ADGRB3: variants seen among roughly 807,000 people sequenced by gnomAD.
ADGRB3 encodes brain-specific angiogenesis inhibitor 3.
Under a neutral mutation model 193.4 loss-of-function variants are expected in ADGRB3, and 37 were observed. The observed-to-expected ratio is 0.19, with a 90% CI of 0.15 to 0.25. ADGRB3 has a LOEUF of 0.25. Among genes scored for constraint, ADGRB3 ranks in the 10% least tolerant of loss-of-function variants. ADGRB3 has a pLI of 1.00. For synonymous variants in ADGRB3, 690 were observed against 644.2 expected, an observed-to-expected ratio of 1.07 and a Z score of -1.08; for missense variants, 1,637 against 1,852.9, an observed-to-expected ratio of 0.88 and a Z score of 2.14.
At chr6:69,132,846 C>G (rs1774048454) in intron 17 of ADGRB3, among the ~76,000 whole-genome samples, 2 of 152,136 alleles carry the variant, frequency 1.3e-5, no homozygotes, top group Non-Finnish European at 2.9e-5. Context: ...CTGCATATGG[C>G]TAGCCAGTTT....
chr6:69,095,951 T>C (rs1772863932), intron 17 of ADGRB3, among the ~76,000 whole-genome samples: 1 of 152,212 alleles, frequency 6.6e-6, no homozygotes, highest in African/African-American at 2.4e-5. Flanking sequence ...TCAGAGCAGA[T>C]ATAAATAATG....
intron 13 of ADGRB3, among the ~76,000 whole-genome samples, chr6:69,024,071 G>A (rs1371925063): frequency 6.6e-6 from 1 of 152,112 alleles, no homozygotes; most frequent in African/African-American, 2.4e-5. Flanking sequence ...ACATAAAAGT[G>A]ATAGTTGAAG....
At chr6:69,040,985 G>A (rs567012209) in intron 13 of ADGRB3, among the ~76,000 whole-genome samples, 21 of 152,218 alleles carry the variant, frequency 1.4e-4, no homozygotes, top group African/African-American at 5.1e-4. Flanking sequence ...CTAAAGCTCT[G>A]TGTGAGGATA....
In ADGRB3 at chr6:68,985,326, A is replaced by G. The variant is rs117087685; in HGVS notation, c.1735-8442A>G. On this transcript the variant is annotated intron_variant, in intron 10 of 31. Coordinates refer to ENST00000370598, the MANE Select transcript of ADGRB3 (RefSeq NM_001704.3). ...AAGTGCTCTTTGTGATTCACTGCAC[A>G]TTAAAGTTTGAGAAACACTGTGGTA... is the stretch of plus-strand genomic sequence containing the variant. Among the ~76,000 whole-genome samples the G allele has an allele frequency of 1.5e-4, 23 of 152,306 alleles. No individual in the cohort carries two copies. The East Asian group carries it at 2.9e-3, about 19-fold the overall frequency.
intron 17 of ADGRB3, among the ~76,000 whole-genome samples, chr6:69,086,609 T>G (rs1169065841): frequency 6.6e-6 from 1 of 151,978 alleles, no homozygotes; most frequent in African/African-American, 2.4e-5. Flanking sequence ...AGTGCCAAAT[T>G]TTTTTTGGTT....
intron 3 of ADGRB3, among the ~76,000 whole-genome samples, chr6:68,741,154 A>G (rs1298338352): frequency 6.6e-6 from 1 of 152,186 alleles, no homozygotes; most frequent in Non-Finnish European, 1.5e-5. Context: ...TAGTGTCTGC[A>G]TAGGGCTTCC....
At chr6:68,887,879 T>C (rs1486697350) in intron 3 of ADGRB3, among the ~76,000 whole-genome samples, 1 of 152,180 alleles carries the variant, frequency 6.6e-6, no homozygotes, top group African/African-American at 2.4e-5. Flanking sequence ...TGGCACAATG[T>C]GGAAAATTTC....
At chr6:69,336,288 A>G (rs1451017144) in intron 24 of ADGRB3, among the ~76,000 whole-genome samples, 1 of 152,032 alleles carries the variant, frequency 6.6e-6, no homozygotes, top group Non-Finnish European at 1.5e-5. Flanking sequence ...TAAGCAGAAA[A>G]TTTAAGTTTC....
intron 3 of ADGRB3, among the ~76,000 whole-genome samples, chr6:68,772,399 A>C (rs1223949291): frequency 6.6e-6 from 1 of 151,858 alleles, no homozygotes; most frequent in Admixed American, 6.6e-5. Context: ...TATTCATAGG[A>C]CTCTGCTTGA....
At chr6:68,683,799 G>A (rs1764937277) in intron 3 of ADGRB3, among the ~76,000 whole-genome samples, 1 of 152,072 alleles carries the variant, frequency 6.6e-6, no homozygotes, top group African/African-American at 2.4e-5. Flanking sequence ...CTTTACGGCA[G>A]TGTCCCTCTG....
chr6:68,818,635 C>T (rs993344180), intron 3 of ADGRB3, among the ~76,000 whole-genome samples: 2 of 152,048 alleles, frequency 1.3e-5, no homozygotes, highest in African/African-American at 2.4e-5. Flanking sequence ...TTCTGAATCT[C>T]ATTTTTTCTC....
chr6:68,976,179 T>A (rs1768741285), intron 10 of ADGRB3, among the ~76,000 whole-genome samples: 1 of 152,224 alleles, frequency 6.6e-6, no homozygotes, highest in Admixed American at 6.5e-5. Flanking sequence ...AAAATATACA[T>A]AACTTTTGTA....
At chr6:69,047,019 G>A (rs9454683) in intron 13 of ADGRB3, among the ~76,000 whole-genome samples, 64,207 of 151,794 alleles carry the variant, frequency 0.42, 14,255 homozygotes, top group Middle Eastern at 0.47. Flanking sequence ...CACCACGCCC[G>A]GCTAAAATTT....
intron 3 of ADGRB3, among the ~76,000 whole-genome samples, chr6:68,750,495 G>A (rs545267207): frequency 4.0e-4 from 61 of 152,264 alleles, no homozygotes; most frequent in African/African-American, 1.3e-3. Context: ...ATCAAATGTA[G>A]TTCATCTATA....
chr6:68,687,503 A>T (rs1377741445), intron 3 of ADGRB3, among the ~76,000 whole-genome samples: 1 of 152,084 alleles, frequency 6.6e-6, no homozygotes, highest in Non-Finnish European at 1.5e-5. Context: ...TGCGATGCAT[A>T]TTTTGCCATG....
At chr6:69,247,032 A>G (rs780249317) in intron 20 of ADGRB3, among the ~76,000 whole-genome samples, 9 of 152,294 alleles carry the variant, frequency 5.9e-5, no homozygotes, top group Admixed American at 5.9e-4. Context: ...CCACCCCTGC[A>G]TTAGACTTGG....
chr6:69,332,533 A>G, intron 23 of ADGRB3: 1 of 985,250 alleles, frequency 1.0e-6, no homozygotes, highest in Non-Finnish European at 1.2e-6. Flanking sequence ...CTAACCTCAT[A>G]CTCTAAGATT....
At chr6:69,116,581 A>C (rs1773539338) in intron 17 of ADGRB3, among the ~76,000 whole-genome samples, 1 of 152,200 alleles carries the variant, frequency 6.6e-6, no homozygotes, top group Non-Finnish European at 1.5e-5. Flanking sequence ...TAAGGATTAC[A>C]GAGGCATATT....
intron 3 of ADGRB3, among the ~76,000 whole-genome samples, chr6:68,730,426 A>G (rs1765751062): frequency 6.6e-6 from 1 of 151,672 alleles, no homozygotes; most frequent in African/African-American, 2.4e-5. Context: ...TTAAGATGGA[A>G]TTATGACACA....
Sources: gnomAD v4.1 joint callset for allele counts (sites outside exome capture counted in the v4.1 genomes callset) on GRCh38, gnomAD v4.1.1 for gene constraint, MANE v1.5 for transcripts, NCBI Gene and HGNC (gene_info 2026-07-23, HGNC 2026-07-21) for gene names.